GRID1: variants seen among roughly 807,000 people sequenced by gnomAD.
GRID1 encodes the protein glutamate ionotropic receptor delta type subunit 1.
Under a neutral mutation model 98.0 loss-of-function variants are expected in GRID1, and 28 were observed. The ratio of observed to expected loss-of-function variants is 0.29; its 90% CI spans 0.21 to 0.39. The LOEUF is 0.39. Ranked by LOEUF, GRID1 falls within the 10% of genes least tolerant of loss-of-function variation. The pLI, the probability that GRID1 is intolerant of heterozygous loss-of-function variation, is 1.00. For missense variants in GRID1, 1,111 were observed against 1,340.5 expected (o/e 0.83, Z 2.67); for synonymous variants, 553 against 538.5 (o/e 1.03, Z -0.37).
chr10:86,262,988 G>T (rs866474521), intron 2 of GRID1, among the ~76,000 whole-genome samples: 6 of 147,062 alleles, frequency 4.1e-5, no homozygotes, highest in Middle Eastern at 3.4e-3. Context: ...GGCTCAGCGC[G>T]CTGGGAGGGA....
chr10:86,272,549 T>C (rs1008583433), intron 2 of GRID1, among the ~76,000 whole-genome samples: 7 of 152,212 alleles, frequency 4.6e-5, no homozygotes, highest in South Asian at 2.1e-4. Flanking sequence ...CTATCTGTTA[T>C]AGGCTGTCTG....
chr10:86,177,634 A>T (rs184808343), intron 3 of GRID1, among the ~76,000 whole-genome samples: 20 of 151,174 alleles, frequency 1.3e-4, no homozygotes, highest in Admixed American at 1.2e-3. Context: ...AAGAGACTTT[A>T]GCATGTGTAT....
intron 2 of GRID1, among the ~76,000 whole-genome samples, chr10:86,244,930 T>G (rs1407505917): frequency 6.6e-6 from 1 of 152,060 alleles, no homozygotes; most frequent in Non-Finnish European, 1.5e-5. Flanking sequence ...CCCAAAAGAT[T>G]TTTTCCCCTC....
At chr10:86,267,080 G>A (rs115126450) in intron 2 of GRID1, among the ~76,000 whole-genome samples, 240 of 152,300 alleles carry the variant, frequency 1.6e-3, no homozygotes, top group South Asian at 8.3e-3. Flanking sequence ...TTCCCACCCC[G>A]GGAAAGTGCT....
At chr10:86,126,353 G>T (rs1483014042) in intron 4 of GRID1, among the ~76,000 whole-genome samples, 1 of 152,224 alleles carries the variant, frequency 6.6e-6, no homozygotes, top group African/African-American at 2.4e-5. Context: ...TACTCCAGAG[G>T]CTGAGGCAGA....
chr10:86,078,204 C>A (rs1252392407), intron 4 of GRID1, among the ~76,000 whole-genome samples: 1 of 152,258 alleles, frequency 6.6e-6, no homozygotes, highest in African/African-American at 2.4e-5. Context: ...TACAGCTTAT[C>A]TTTCCCAGAG....
chr10:85,941,438 TAGAC>T (rs1379774799), intron 4 of GRID1, among the ~76,000 whole-genome samples: 1 of 152,206 alleles, frequency 6.6e-6, no homozygotes, highest in Non-Finnish European at 1.5e-5. Context: ...CATATATGCA[TAGAC>T]AGATGAAAGA....
intron 4 of GRID1, among the ~76,000 whole-genome samples, chr10:85,941,771 T>C (rs1266274906): frequency 6.6e-6 from 1 of 152,246 alleles, no homozygotes; most frequent in Admixed American, 6.5e-5. Context: ...CTTTAGTTTT[T>C]TGTGATTGAA....
At chr10:86,065,244 T>C (rs1040545551) in intron 4 of GRID1, among the ~76,000 whole-genome samples, 2 of 152,190 alleles carry the variant, frequency 1.3e-5, no homozygotes, top group South Asian at 4.1e-4. Context: ...AAATGCAAAT[T>C]CCCAGGTCTG....
chr10:86,354,330 C>T (rs1251190470), intron 2 of GRID1, among the ~76,000 whole-genome samples: 2 of 152,226 alleles, frequency 1.3e-5, no homozygotes, highest in African/African-American at 2.4e-5. Context: ...CAAGAGGTGT[C>T]GTGTACCTTG....
chr10:85,973,977 T>G (rs1436278534), intron 4 of GRID1, among the ~76,000 whole-genome samples: 2 of 152,196 alleles, frequency 1.3e-5, no homozygotes, highest in Non-Finnish European at 2.9e-5. Flanking sequence ...GTATGTCTCA[T>G]ATTCGCAGAC....
At chr10:86,305,653 GT>G (rs960389319) in intron 2 of GRID1, among the ~76,000 whole-genome samples, 5 of 152,182 alleles carry the variant, frequency 3.3e-5, no homozygotes, top group African/African-American at 1.2e-4. Context: ...AATAGGAGGA[GT>G]GGCAGCATTA....
At chr10:85,708,671 T>C (rs2132633292) in intron 12 of GRID1, 1 of 152,330 alleles carries the variant, frequency 6.6e-6, no homozygotes. Context: ...AAAGCAAAAC[T>C]TAAGAGAAGA....
chr10:85,805,013 A>G (rs1842609919), intron 8 of GRID1, among the ~76,000 whole-genome samples: 3 of 151,724 alleles, frequency 2.0e-5, no homozygotes, highest in Non-Finnish European at 4.4e-5. Flanking sequence ...AGAAGGGAGA[A>G]AAGGAAGGAA....
chr10:85,892,222 A>AC (rs1841212249), intron 5 of GRID1, among the ~76,000 whole-genome samples: 2 of 151,394 alleles, frequency 1.3e-5, no homozygotes, highest in African/African-American at 4.8e-5. Context: ...AAAACAAAAA[A>AC]AAAAACAGGA....
intron 12 of GRID1, among the ~76,000 whole-genome samples, chr10:85,649,193 A>G (rs1317982871): frequency 6.6e-6 from 1 of 152,128 alleles, no homozygotes; most frequent in East Asian, 1.9e-4. Flanking sequence ...ACCAACGCTG[A>G]CAGCAGCCTC....
chr10:86,230,071 T>C (rs1181005436), intron 2 of GRID1, among the ~76,000 whole-genome samples: 1 of 152,188 alleles, frequency 6.6e-6, no homozygotes, highest in Non-Finnish European at 1.5e-5. Flanking sequence ...ATCCTGCTCC[T>C]GGTAGCAGCA....
intron 2 of GRID1, among the ~76,000 whole-genome samples, chr10:86,292,774 CTG>C (rs1482028311): frequency 6.6e-6 from 1 of 151,026 alleles, no homozygotes; most frequent in African/African-American, 2.4e-5. Flanking sequence ...GTGACGGTGT[CTG>C]TGGGTGTGTG....
chr10:85,930,638 A>AT (rs151189089), intron 4 of GRID1, among the ~76,000 whole-genome samples: 7,149 of 148,062 alleles, frequency 0.048, 239 homozygotes, highest in East Asian at 0.16. Context: ...TTTTGACTTT[A>AT]TTTTTTTTTT....
Sources: gnomAD v4.1 joint callset for allele counts (sites outside exome capture counted in the v4.1 genomes callset) on GRCh38, gnomAD v4.1.1 for gene constraint, MANE v1.5 for transcripts, NCBI Gene and HGNC (gene_info 2026-07-23, HGNC 2026-07-21) for gene names.